The following HUNK variants were observed in gnomAD, a reference collection of about 807,000 sequenced individuals.
HUNK encodes hormonally up-regulated Neu-associated kinase.
Under a neutral mutation model 61.0 loss-of-function variants are expected in HUNK, and 21 were observed. The ratio of observed to expected loss-of-function variants is 0.34; its 90% confidence interval spans 0.24 to 0.50. HUNK has a LOEUF of 0.50. HUNK is among the 20% of genes least tolerant of loss of function. HUNK has a pLI of 0.98. For synonymous variants in HUNK, 371 were observed against 386.1 expected, an observed-to-expected ratio of 0.96 and a Z score of 0.46; for missense variants, 772 against 945.7, an observed-to-expected ratio of 0.82 and a Z score of 2.41.
At chr21:31,979,104 A>ATTTTT (rs1601407679) in intron 7 of HUNK, among the ~76,000 whole-genome samples, 1 of 82,784 alleles carries the variant, frequency 1.2e-5, no homozygotes, top group African/African-American at 6.2e-5. Context: ...CCTATTGGCC[A>ATTTTT]TTTCTTTTTT....
At chr21:31,901,662 C>T (rs115751873) in intron 1 of HUNK, among the ~76,000 whole-genome samples, 1,837 of 152,352 alleles carry the variant, frequency 0.012, 29 homozygotes, top group African/African-American at 0.041. Flanking sequence ...GTTTCTCCCT[C>T]TGCAAACTAA....
chr21:31,881,080 C>G (rs569726586), intron 1 of HUNK, among the ~76,000 whole-genome samples: 17 of 152,238 alleles, frequency 1.1e-4, no homozygotes, highest in Non-Finnish European at 1.9e-4. Context: ...GAGGGCGGTT[C>G]CTGGGGAGAG....
intron 1 of HUNK, among the ~76,000 whole-genome samples, chr21:31,921,886 A>G (rs1416854764): frequency 1.3e-5 from 2 of 152,142 alleles, no homozygotes; most frequent in Non-Finnish European, 2.9e-5. Context: ...GTGTGCTTAT[A>G]GTATGCAGGT....
chr21:31,982,913 C>A (rs1305492846), intron 7 of HUNK, among the ~76,000 whole-genome samples: 1 of 152,184 alleles, frequency 6.6e-6, no homozygotes, highest in African/African-American at 2.4e-5. Context: ...AAGTGATTCT[C>A]CTTCCTCAGC....
intron 1 of HUNK, among the ~76,000 whole-genome samples, chr21:31,893,496 AT>A (rs1184727399): frequency 1.3e-5 from 2 of 152,012 alleles, no homozygotes; most frequent in Non-Finnish European, 2.9e-5. Flanking sequence ...TCCTATAGTC[AT>A]GTTTCGGGGT....
Position 31,998,970 on chromosome 21 carries a change from G to A in HUNK, c.1931G>A (p.Ser644Asn). The change falls in exon 11 of 11, where the codon AGC becomes AAC. Residue 644 changes from serine (S) to asparagine (N), a missense_variant. Physicochemically the swap from Ser to Asn is conservative, Grantham distance 46 (BLOSUM62 1). Coordinates refer to ENST00000270112, the MANE Select transcript of HUNK (RefSeq NM_014586.2). ...EGLCCPPPVP[S>N]NGPMQPLGSP... ...CTGTGTTGCCCACCTCCGGTTCCCA[G>A]CAATGGCCCCATGCAGCCTCTGGGG... is the stretch of plus-strand genomic sequence containing the variant. The A allele has an allele frequency of 1.9e-6, 3 of 1,614,204 alleles. No individual in the cohort carries two copies.
intron 4 of HUNK, 141 bp from the exon 5 acceptor site, chr21:31,958,702 T>C: frequency 1.4e-6 from 1 of 731,062 alleles, no homozygotes. Context: ...CACTGAGCAT[T>C]CTACAAAGAT....
At chr21:31,958,210 C>T (rs905618744) in intron 4 of HUNK, among the ~76,000 whole-genome samples, 3 of 152,026 alleles carry the variant, frequency 2.0e-5, no homozygotes, top group Non-Finnish European at 4.4e-5. Flanking sequence ...GGAGGTGGCT[C>T]CTGATGCTCT....
chr21:32,000,282 A>G lies in HUNK; in HGVS notation c.*1098A>G. On this transcript the variant is annotated 3_prime_UTR_variant, in exon 11 of 11. Transcript: ENST00000270112. The stretch of plus-strand genomic sequence containing the variant: ...GGCGAGTTTGCTGGGAGCTGGGAGC[A>G]GGCTTGCCTGGCAGAGAACCTGTTC... 1 of 399,172 alleles carries G rather than the reference A, an allele frequency of 2.5e-6. No individual in the cohort carries two copies. Among genetic ancestry groups the G allele is most frequent in the East Asian group, 3.6e-5 (1 of 28,084 alleles). The allele number at this position is 399,172 out of a possible 1,614,324, so 24.7% of individuals were successfully genotyped here.
intron 4 of HUNK, among the ~76,000 whole-genome samples, chr21:31,952,630 A>T (rs1034298313): frequency 6.6e-6 from 1 of 151,930 alleles, no homozygotes; most frequent in African/African-American, 2.4e-5. Context: ...CAGACTAAAT[A>T]TCAGGATGGC....
Position 31,924,414 on chromosome 21 carries a change from C to A in HUNK, c.262-54C>A. ...CTTGGGTTCCTGTGAGTAGCCAAGG[C>A]ATCGCTATTGTCTGTAATGTCTGAT... On this transcript the variant is annotated intron_variant, in intron 1 of 10. Coordinates refer to ENST00000270112, the MANE Select transcript of HUNK (RefSeq NM_014586.2). The surrounding 1 kb of genome is among the most constrained non-coding windows in gnomAD (Gnocchi z 5.1). 1.3e-6 allele frequency: 2 copies of A among 1,524,460 alleles called. No homozygotes were observed. Among genetic ancestry groups the A allele is most frequent in the Non-Finnish European group, 8.9e-7 (1 of 1,124,632 alleles). The allele number at this position is 1,524,460 out of a possible 1,614,324, so 94.4% of individuals were successfully genotyped here.
intron 2 of HUNK, among the ~76,000 whole-genome samples, chr21:31,930,841 A>AT (rs1197204168): frequency 6.6e-6 from 1 of 152,208 alleles, no homozygotes; most frequent in East Asian, 1.9e-4. Context: ...TTAGGTCACA[A>AT]TTTGTAGAGT....
intron 8 of HUNK, among the ~76,000 whole-genome samples, chr21:31,989,217 CT>C (rs1315702988): frequency 1.3e-5 from 2 of 152,160 alleles, no homozygotes; most frequent in East Asian, 3.8e-4. Flanking sequence ...AAGATTCTCT[CT>C]CCAAATAAGG....
chr21:31,940,226 ACTT>A lies in HUNK; in HGVS notation c.610+7_610+9del. On this transcript the variant is annotated splice_region_variant and intron_variant, in intron 3 of 10. Transcript: ENST00000270112. ...CAATAATATCAAGCTGATTGGTATG[ACTT>A]TTTTTTTTTTTTAAGCAAAAGTATC... 6.5e-7 allele frequency: 1 copy of A among 1,529,260 alleles called. No individual in the cohort carries two copies. The highest frequency in any genetic ancestry group is 8.9e-7 in the Non-Finnish European group (1 of 1,129,072). 94.7% of individuals were successfully genotyped at this position (1,529,260 alleles called of 1,614,324 possible). A position where few individuals can be genotyped will look rare whatever the true frequency, so the allele number is the denominator to read the frequency against.
At chr21:31,899,273 T>C (rs2052446977) in intron 1 of HUNK, among the ~76,000 whole-genome samples, 1 of 152,202 alleles carries the variant, frequency 6.6e-6, no homozygotes, top group African/African-American at 2.4e-5. Flanking sequence ...GCCAGAAGTA[T>C]GAAATCAAGG....
At chr21:31,950,045 G>A (rs574884669) in intron 4 of HUNK, among the ~76,000 whole-genome samples, 18 of 152,298 alleles carry the variant, frequency 1.2e-4, no homozygotes, top group African/African-American at 4.1e-4. Flanking sequence ...TTTGACCTAC[G>A]TGGTTTGCCC....
At chr21:31,948,242 C>T (rs959430175) in intron 4 of HUNK, among the ~76,000 whole-genome samples, 1 of 152,218 alleles carries the variant, frequency 6.6e-6, no homozygotes, top group African/African-American at 2.4e-5. Flanking sequence ...ATGCCCGCTC[C>T]CCTCCTCTCC....
chr21:31,954,748 A>G (rs1311711028), intron 4 of HUNK, among the ~76,000 whole-genome samples: 1 of 152,180 alleles, frequency 6.6e-6, no homozygotes, highest in Non-Finnish European at 1.5e-5. Context: ...GGAGATGTGC[A>G]GTGGCATCCA....
At chr21:31,914,190 C>A (rs1200810568) in intron 1 of HUNK, among the ~76,000 whole-genome samples, 2 of 151,968 alleles carry the variant, frequency 1.3e-5, no homozygotes, top group African/African-American at 4.8e-5. Flanking sequence ...GGCGGATCAC[C>A]TGTGGTCAGG....
Sources: allele counts gnomAD v4.1 joint callset (sites outside exome capture counted in the v4.1 genomes callset), GRCh38; gene constraint gnomAD v4.1.1; non-coding constraint Gnocchi (gnomAD v3.1); transcripts MANE v1.5; gene names NCBI Gene and HGNC (gene_info 2026-07-23, HGNC 2026-07-21).